The following CFAP46 variants were observed in gnomAD, a reference collection of about 807,000 sequenced individuals.
The protein encoded by CFAP46 is cilia- and flagella-associated protein 46.
A neutral mutation model predicts 325.7 loss-of-function variants in CFAP46; 245 were observed. The ratio of observed to expected loss-of-function variants is 0.75; its 90% CI spans 0.68 to 0.84. The LOEUF is 0.84. CFAP46 is among the 40% of genes least tolerant of loss of function. The pLI is 0.00. For missense variants in CFAP46, 3,346 were observed against 3,543.0 expected, an observed-to-expected ratio of 0.94 and a Z score of 1.41; for synonymous variants, 1,523 against 1,495.9, an observed-to-expected ratio of 1.02 and a Z score of -0.42.
At chr10:132,814,550 G>T in intron 53 of CFAP46, 27 bp downstream of exon 53, 1 of 1,553,268 alleles carries the variant, frequency 6.4e-7, no homozygotes. Context: ...GCGTGTGCCT[G>T]AACAGGGAGC....
chr10:132,929,624 C>T, intron 9 of CFAP46, 81 bp downstream of exon 9: 1 of 1,347,432 alleles, frequency 7.4e-7, no homozygotes, highest in Non-Finnish European at 1.1e-6. Flanking sequence ...TGGTGAACTG[C>T]TCTTCCTTTC....
rs1181413031 is a variant in CFAP46, at chr10:132,924,605, T to C, written c.1256+91A>G. The stretch of plus-strand genomic sequence containing the variant: ...GAGTCTGTTGCTTGTGGCACTGTCA[T>C]GGCAAGGGGGCTTGGGCCACCTTCT... On this transcript the variant is annotated intron_variant, in intron 11 of 57. Transcript: ENST00000368586. 7.1e-6 allele frequency: 9 copies of C among 1,264,138 alleles called. 1 individual carries two copies. Among genetic ancestry groups the C allele is most frequent in the African/African-American group, 6.3e-5 (4 of 63,646 alleles). The allele number at this position is 1,264,138 out of a possible 1,614,324, so 78.3% of individuals were successfully genotyped here. A position where few individuals can be genotyped will look rare whatever the true frequency, so the allele number is the denominator to read the frequency against.
intron 41 of CFAP46, 64 bp downstream of exon 41, chr10:132,850,180 G>C: frequency 6.7e-7 from 1 of 1,494,522 alleles, no homozygotes; most frequent in Non-Finnish European, 9.1e-7. Flanking sequence ...CACTTCGCTT[G>C]TGTTTTTCAG....
chr10:132,809,028 C>T, intron 57 of CFAP46, 124 bp from the exon 58 acceptor site: 1 of 1,009,714 alleles, frequency 9.9e-7, no homozygotes, highest in Admixed American at 2.9e-5. Context: ...GGGGAACACA[C>T]TGCCATTCGC....
intron 50 of CFAP46, among the ~76,000 whole-genome samples, chr10:132,820,056 C>G (rs1375838029): frequency 6.6e-6 from 1 of 152,144 alleles, no homozygotes. Flanking sequence ...ACCAAACAAC[C>G]CAATCGAAGA....
intron 22 of CFAP46, among the ~76,000 whole-genome samples, chr10:132,902,555 A>G (rs1291009796): frequency 6.6e-6 from 1 of 152,198 alleles, no homozygotes; most frequent in Non-Finnish European, 1.5e-5. Context: ...TGAAAATCTG[A>G]TTATATTGAC....
Position 132,941,984 on chromosome 10 carries a change from A to T in CFAP46, c.170T>A (p.Leu57Gln). The change falls in exon 2 of 58, where the codon CTG becomes CAG. Residue 57 changes from leucine (L) to glutamine (Q), a missense_variant. Leu to Gln is a moderately radical substitution (Grantham distance 113). Coordinates refer to ENST00000368586, the MANE Select transcript of CFAP46 (RefSeq NM_001200049.3). ...DLFVLCAEQA[L>Q]KMRQPEVSED... ...AGGATCCCGGGAACTAGTTACCTTC[A>T]GGGCCTGCTCTGCACACAGAACAAA... 3.2e-6 allele frequency: 5 copies of T among 1,551,804 alleles called. No homozygotes were observed. The highest frequency in any genetic ancestry group is 4.4e-6 in the Non-Finnish European group (5 of 1,147,026).
chr10:132,844,634 G>A (rs184165133), intron 44 of CFAP46, among the ~76,000 whole-genome samples: 170 of 152,270 alleles, frequency 1.1e-3, no homozygotes, highest in Admixed American at 3.1e-3. Flanking sequence ...GCTCCCACAT[G>A]TCAAGCCCCA....
rs745396829 is a variant in CFAP46 at position 132,847,158 on chromosome 10, C to T, written c.6087+29G>A. On this transcript the variant is annotated intron_variant, in intron 42 of 57. Coordinates refer to ENST00000368586, the MANE Select transcript of CFAP46 (RefSeq NM_001200049.3). This position sits in a 1 kb window ranked among gnomAD's most constrained non-coding sequence, Gnocchi z 5.2. ...CTCAGGCCAGGCTCCGGGCAGAGGC[C>T]ACACGAGGGGCAGGAGGGGCAGCCG... is the stretch of plus-strand genomic sequence containing the variant. 6.2e-7 allele frequency: 1 copy of T among 1,608,940 alleles called. No homozygotes were observed. Among genetic ancestry groups the T allele is most frequent in the South Asian group, 1.1e-5 (1 of 90,818 alleles).
chr10:132,839,800 G>T (rs191568906), intron 44 of CFAP46, among the ~76,000 whole-genome samples: 28 of 152,314 alleles, frequency 1.8e-4, no homozygotes, highest in African/African-American at 5.5e-4. Context: ...CATGGTCAAT[G>T]ATATCGAATG....
intron 35 of CFAP46, among the ~76,000 whole-genome samples, chr10:132,862,493 A>G (rs7907730): frequency 0.093 from 14,134 of 151,364 alleles, 1,797 homozygotes; most frequent in African/African-American, 0.29. Context: ...CAGTGCCGAC[A>G]CTGAGTGGGA....
intron 39 of CFAP46, among the ~76,000 whole-genome samples, chr10:132,851,734 C>A (rs1173892886): frequency 6.6e-6 from 1 of 152,266 alleles, no homozygotes; most frequent in African/African-American, 2.4e-5. Flanking sequence ...TGTGCACGCG[C>A]CACACCCTGC....
Position 132,850,325 on chromosome 10 carries a change from G to A in CFAP46, c.5871C>T (p.Gly1957=). 6.4e-7 allele frequency: 1 copy of A among 1,552,612 alleles called. No individual in the cohort carries two copies. Among genetic ancestry groups the A allele is most frequent in the Non-Finnish European group, 8.7e-7 (1 of 1,148,014 alleles). ...GCVEIRARLL[G]LAGRALHLLA... ...GCAGGTGCAGGGCCCTCCCGGCCAG[G>A]CCCAGGAGCCGGGCGCGGATCTCCA... Residue 1957 remains glycine (G), a synonymous_variant, in exon 41 of 58, where the codon GGC becomes GGT. Transcript: ENST00000368586.
chr10:132,822,462 AGTGCTGATGTGTGCTGTGTGTGCTGTGT>A (rs1847881755), intron 50 of CFAP46, among the ~76,000 whole-genome samples: 3 of 64,916 alleles, frequency 4.6e-5, no homozygotes, highest in African/African-American at 1.3e-4. Context: ...GTGCTGTGTG[AGTGCTGATGTGTGCTGTGTGTGCTGTGT>A]GTGCTGATGT....
chr10:132,834,599 C>A, intron 48 of CFAP46, 55 bp downstream of exon 48: 1 of 1,599,532 alleles, frequency 6.3e-7, no homozygotes, highest in Non-Finnish European at 8.5e-7. Context: ...GCACTGGACA[C>A]ACGTGTCCAT....
intron 14 of CFAP46, 42 bp downstream of exon 14, chr10:132,920,017 G>T: frequency 2.0e-6 from 3 of 1,476,312 alleles, no homozygotes; most frequent in Non-Finnish European, 2.7e-6. Context: ...AGCGACCCCC[G>T]GGCTGAGCTG....
At chr10:132,909,780 G>A in intron 20 of CFAP46, 139 bp downstream of exon 20, 1 of 796,852 alleles carries the variant, frequency 1.3e-6, no homozygotes, top group Non-Finnish European at 1.8e-6. Flanking sequence ...AGCTCAGTGG[G>A]AAAAGGGAGT....
rs1850062269 is a variant in CFAP46 at position 132,939,276 on chromosome 10, C to A, written c.372-523G>T. Among the ~76,000 whole-genome samples, 1 of 152,166 alleles carries A rather than the reference C, an allele frequency of 6.6e-6. No individual in the cohort carries two copies. The highest frequency in any genetic ancestry group is 1.5e-5 in the Non-Finnish European group (1 of 68,016). On this transcript the variant is annotated intron_variant, in intron 4 of 57. Transcript: ENST00000368586. This position sits in a 1 kb window ranked among gnomAD's most constrained non-coding sequence, Gnocchi z 4.6. Reference sequence around the variant, plus strand: ...AGGAAGATGGAGGAGAAGGGAGGAACCTTTGGGAAACAAAGTTCCCGTCTG... The same window carrying A: ...AGGAAGATGGAGGAGAAGGGAGGAAACTTTGGGAAACAAAGTTCCCGTCTG...
At position 132,876,551 on chromosome 10, in the gene CFAP46, G is replaced by C. The variant is rs1247231572; in HGVS notation, c.4362+261C>G. ...TGTTGTTTTAACCATGCGGTTGTGG[G>C]AGCTTGTCATGAACACCTGTCCTGT... On this transcript the variant is annotated intron_variant, in intron 31 of 57. Coordinates refer to ENST00000368586, the MANE Select transcript of CFAP46 (RefSeq NM_001200049.3). The surrounding 1 kb of genome is among the most constrained non-coding windows in gnomAD (Gnocchi z 4.1). Among the ~76,000 whole-genome samples the C allele has an allele frequency of 6.6e-6, 1 of 152,202 alleles. No individual in the cohort carries two copies. The highest frequency in any genetic ancestry group is 1.5e-5 in the Non-Finnish European group (1 of 68,038).
Sources: gnomAD v4.1 joint callset for allele counts (sites outside exome capture counted in the v4.1 genomes callset) on GRCh38, gnomAD v4.1.1 for gene constraint, Gnocchi (gnomAD v3.1) non-coding constraint, MANE v1.5 for transcripts, NCBI Gene and HGNC (gene_info 2026-07-23, HGNC 2026-07-21) for gene names.